Variants in IGSF11 observed in about 807,000 individuals in gnomAD.
The protein encoded by IGSF11 is immunoglobulin superfamily member 11, also known as CXADR like 1.
In IGSF11, 22 loss-of-function variants were observed where a neutral mutation model predicts 41.0. The ratio of observed to expected loss-of-function variants is 0.54; its 90% CI spans 0.38 to 0.77. The LOEUF is 0.77. Among genes scored for constraint, IGSF11 ranks in the 30% least tolerant of loss-of-function variants. The pLI, the probability that IGSF11 is intolerant of heterozygous loss-of-function variation, is 0.00. For missense variants in IGSF11, 444 were observed against 530.8 expected (o/e 0.84, Z 1.61); for synonymous variants, 219 against 201.3 (o/e 1.09, Z -0.74).
intron 1 of IGSF11, among the ~76,000 whole-genome samples, chr3:119,010,188 C>A (rs1483498196): frequency 1.3e-5 from 2 of 152,190 alleles, no homozygotes; most frequent in African/African-American, 2.4e-5. Flanking sequence ...AGATTCCCTG[C>A]AGGAACCACA....
In IGSF11 at chr3:118,975,569, T is replaced by C. The variant is rs541957849; in HGVS notation, c.53-45294A>G. ...TCACAAAAGATGAAGCATCAACTCTTATGTTCACTGCAGCACTATTCACAA... is the reference window on the plus strand; with the variant it reads ...TCACAAAAGATGAAGCATCAACTCTCATGTTCACTGCAGCACTATTCACAA... On this transcript the variant is annotated intron_variant, in intron 1 of 6. Coordinates refer to ENST00000393775, the MANE Select transcript of IGSF11 (RefSeq NM_001015887.3). Among the ~76,000 whole-genome samples the C allele has an allele frequency of 2.0e-4, 30 of 152,324 alleles. No individual in the cohort carries two copies. The South Asian group carries it at 5.8e-3, about 29-fold the overall frequency.
chr3:119,035,216 C>T (rs1444482924), upstream of IGSF11, among the ~76,000 whole-genome samples: 1 of 152,250 alleles, frequency 6.6e-6, no homozygotes, highest in Non-Finnish European at 1.5e-5. Flanking sequence ...CAGCCTTCCT[C>T]TGAGCCTGCA....
chr3:118,934,198 C>A (rs944002533), intron 1 of IGSF11, among the ~76,000 whole-genome samples: 6 of 152,158 alleles, frequency 3.9e-5, no homozygotes, highest in Admixed American at 3.3e-4. Flanking sequence ...TCTACTTCTG[C>A]CCCAATCATT....
intron 1 of IGSF11, among the ~76,000 whole-genome samples, chr3:119,075,238 T>A (rs2076473481): frequency 6.6e-6 from 1 of 152,070 alleles, no homozygotes; most frequent in Admixed American, 6.5e-5. Flanking sequence ...AAGAAACAGA[T>A]AAATTCCTGG....
At chr3:119,017,154 C>A (rs1036592896) in intron 1 of IGSF11, among the ~76,000 whole-genome samples, 1 of 151,156 alleles carries the variant, frequency 6.6e-6, no homozygotes, top group Non-Finnish European at 1.5e-5. Flanking sequence ...GAAGAGTAAG[C>A]GAAATTGGAA....
chr3:118,977,244 C>T (rs1249572155), intron 1 of IGSF11, among the ~76,000 whole-genome samples: 1 of 152,172 alleles, frequency 6.6e-6, no homozygotes, highest in African/African-American at 2.4e-5. Context: ...GAGGTCCCAG[C>T]ACCTTGGTTT....
chr3:119,109,437 C>A (rs1461089690), upstream of IGSF11, among the ~76,000 whole-genome samples: 1 of 152,084 alleles, frequency 6.6e-6, no homozygotes. Context: ...GTGGTGATAT[C>A]CCCTTTATCA....
chr3:119,056,588 C>T (rs978687074), intron 1 of IGSF11, among the ~76,000 whole-genome samples: 2 of 152,048 alleles, frequency 1.3e-5, no homozygotes, highest in African/African-American at 2.4e-5. Context: ...TTCCAATTAA[C>T]AGAAAAAGAG....
At position 118,984,033 on chromosome 3, in the gene IGSF11, T is replaced by A. The variant is rs187007950; in HGVS notation, c.52+50498A>T. On this transcript the variant is annotated intron_variant, in intron 1 of 6. Coordinates refer to ENST00000393775, the MANE Select transcript of IGSF11 (RefSeq NM_001015887.3). ...ATCAAACCTTCCTAGGGGGTTCAAA[T>A]ACAATCCCACTATCTAGATTCATTC... Among the ~76,000 whole-genome samples, 391 of 152,146 alleles carry A rather than the reference T, an allele frequency of 2.6e-3. 1 individual carries two copies. The highest frequency in any genetic ancestry group is 8.7e-3 in the African/African-American group (362 of 41,524).
intron 1 of IGSF11, among the ~76,000 whole-genome samples, chr3:119,011,690 G>A (rs9862556): frequency 0.033 from 4,983 of 152,122 alleles, 288 homozygotes; most frequent in African/African-American, 0.11. Context: ...GACTCAAGGC[G>A]GCCTGAAATT....
At chr3:119,036,393 CTT>C (rs1250143715), upstream of IGSF11, among the ~76,000 whole-genome samples, 1 of 152,172 alleles carries the variant, frequency 6.6e-6, no homozygotes, top group Non-Finnish European at 1.5e-5. Flanking sequence ...CTCACCCTCT[CTT>C]GTACATATTC....
chr3:119,077,896 G>C (rs867449559), intron 1 of IGSF11, among the ~76,000 whole-genome samples: 3 of 152,132 alleles, frequency 2.0e-5, no homozygotes, highest in South Asian at 2.1e-4. Flanking sequence ...CGTCCAAGCA[G>C]AGAGCCAAAT....
intron 1 of IGSF11, among the ~76,000 whole-genome samples, chr3:118,987,872 A>G (rs185611640): frequency 1.3e-3 from 199 of 152,340 alleles, no homozygotes; most frequent in Middle Eastern, 3.4e-3. Context: ...ATGAATGAAT[A>G]ACCACAACTT....
chr3:119,003,903 A>C (rs1937178611), intron 1 of IGSF11, among the ~76,000 whole-genome samples: 2 of 148,720 alleles, frequency 1.3e-5, no homozygotes, highest in African/African-American at 2.5e-5. Context: ...ATATTCATCA[A>C]GGATATTGGT....
chr3:118,929,934 A>T (rs1167551449), intron 2 of IGSF11, among the ~76,000 whole-genome samples, 178 bp downstream of exon 2: 1 of 152,218 alleles, frequency 6.6e-6, no homozygotes, highest in Non-Finnish European at 1.5e-5. Flanking sequence ...TTTTAAAAAG[A>T]GGATAGCCTC....
At chr3:119,024,621 C>A (rs1016362113) in intron 1 of IGSF11, among the ~76,000 whole-genome samples, 1 of 152,262 alleles carries the variant, frequency 6.6e-6, no homozygotes, top group South Asian at 2.1e-4. Flanking sequence ...CCTAACCATA[C>A]TCCTCCATAG....
chr3:118,985,791 TC>T (rs1935195665), intron 1 of IGSF11, among the ~76,000 whole-genome samples: 1 of 152,160 alleles, frequency 6.6e-6, no homozygotes, highest in Non-Finnish European at 1.5e-5. Flanking sequence ...TCATCTCTCC[TC>T]TGAACCCCTG....
intron 1 of IGSF11, among the ~76,000 whole-genome samples, chr3:119,071,419 T>G (rs2076397756): frequency 6.6e-6 from 1 of 152,182 alleles, no homozygotes; most frequent in Non-Finnish European, 1.5e-5. Context: ...CCATGAAGAT[T>G]TAGACCTCTT....
At chr3:118,958,007 C>T (rs1945081383) in intron 1 of IGSF11, among the ~76,000 whole-genome samples, 1 of 152,158 alleles carries the variant, frequency 6.6e-6, no homozygotes, top group Non-Finnish European at 1.5e-5. Context: ...GCTGAAAAGC[C>T]CTCCTCATAA....
Sources: allele counts gnomAD v4.1 joint callset (sites outside exome capture counted in the v4.1 genomes callset), GRCh38; gene constraint gnomAD v4.1.1; transcripts MANE v1.5; gene names NCBI Gene and HGNC (gene_info 2026-07-23, HGNC 2026-07-21).